Variants in ICA1L observed in about 807,000 individuals in gnomAD.
The protein encoded by ICA1L is islet cell autoantigen 1 like, also known as islet cell autoantigen 1-like protein.
A neutral mutation model predicts 61.3 loss-of-function variants in ICA1L; 50 were observed. That is an observed-to-expected ratio of 0.82 (90% confidence interval 0.65 to 1.03). The LOEUF (loss-of-function observed/expected upper bound fraction) is 1.03. Ranked by LOEUF, ICA1L falls within the 50% of genes least tolerant of loss-of-function variation. The pLI, the probability that ICA1L is intolerant of heterozygous loss-of-function variation, is 0.00. For missense variants in ICA1L, 508 were observed against 556.7 expected (o/e 0.91, Z 0.88); for synonymous variants, 161 against 191.3 (o/e 0.84, Z 1.31).
At chr2:202,839,886 T>C (rs1475149185) in intron 1 of ICA1L, among the ~76,000 whole-genome samples, 2 of 152,046 alleles carry the variant, frequency 1.3e-5, no homozygotes, top group Admixed American at 6.6e-5. Flanking sequence ...GTGTTTACCA[T>C]GAGGCTTACA....
intron 1 of ICA1L, chr2:202,871,226 T>C (rs578190293): frequency 3.9e-5 from 6 of 152,178 alleles, no homozygotes; most frequent in African/African-American, 1.2e-4. Context: ...GCCGCCTCTA[T>C]TAGGAGCGAC....
chr2:202,789,035 T>A lies in ICA1L; in HGVS notation c.1038A>T (p.Glu346Asp). The A allele has an allele frequency of 6.2e-7, 1 of 1,612,024 alleles. No individual in the cohort carries two copies. The highest frequency in any genetic ancestry group is 8.5e-7 in the Non-Finnish European group (1 of 1,178,340). ...DSLEGEDFEK[E>D]FSFLNNLLSS... ...TTAGGAGGTTGTTCAGAAATGAGAA[T>A]TCCTTCTCAAAATCTTCTCCTTCCA... The change falls in exon 11 of 13, where the codon GAA becomes GAT. Residue 346 changes from glutamate (E) to aspartate (D), a missense_variant. Transcript: ENST00000358299.
chr2:202,789,411 G>C (rs575528732), intron 10 of ICA1L, among the ~76,000 whole-genome samples: 1 of 152,024 alleles, frequency 6.6e-6, no homozygotes, highest in African/African-American at 2.4e-5. Context: ...ATACCACTCT[G>C]ACTAAAAAAC....
Position 202,776,840 on chromosome 2 carries a change from G to C in ICA1L, c.*2693C>G, listed in dbSNP as rs1263183821. ...AAAGTCCCTTGTATGTCTCCATTTC[G>C]GGAGAACTTTTGCTTTTGGAAAATT... On this transcript the variant is annotated 3_prime_UTR_variant, in exon 13 of 13. Transcript: ENST00000358299. The C allele has an allele frequency of 6.6e-6, 1 of 151,970 alleles. No individual in the cohort carries two copies. The highest frequency in any genetic ancestry group is 1.5e-5 in the Non-Finnish European group (1 of 68,016). 9.4% of individuals were successfully genotyped at this position (151,970 alleles called of 1,614,324 possible). A position where few individuals can be genotyped will look rare whatever the true frequency, so the allele number is the denominator to read the frequency against.
chr2:202,821,775 T>C (rs1192887243), intron 3 of ICA1L: 1 of 179,784 alleles, frequency 5.6e-6, no homozygotes. Context: ...CTCAAAACTA[T>C]AAAATAAAGC....
intron 1 of ICA1L, among the ~76,000 whole-genome samples, chr2:202,852,385 T>C (rs13398418): frequency 6.6e-6 from 1 of 151,816 alleles, no homozygotes; most frequent in Non-Finnish European, 1.5e-5. Flanking sequence ...AGTGCTCCCA[T>C]TTCAGCCGGG....
chr2:202,773,520 T>C lies in ICA1L; in HGVS notation c.*6013A>G, dbSNP rs1487571678. The stretch of plus-strand genomic sequence containing the variant: ...AATGTTTCTTCTGATAAAGCAGTTA[T>C]GTCAGAGCCTTCAAAAAACACGGGC... On this transcript the variant is annotated 3_prime_UTR_variant, in exon 13 of 13. Coordinates refer to ENST00000358299, the MANE Select transcript of ICA1L (RefSeq NM_001288622.3). 2.0e-5 allele frequency: 7 copies of C among 345,850 alleles called. No homozygotes were observed. The highest frequency in any genetic ancestry group is 7.9e-4 in the Middle Eastern group (1 of 1,272). The allele number at this position is 345,850 out of a possible 1,614,324, so 21.4% of individuals were successfully genotyped here.
intron 1 of ICA1L, among the ~76,000 whole-genome samples, chr2:202,859,074 G>A (rs1694839198): frequency 6.6e-6 from 1 of 152,164 alleles, no homozygotes; most frequent in Non-Finnish European, 1.5e-5. Context: ...AAGTATATTA[G>A]ATTATAGGCT....
intron 1 of ICA1L, among the ~76,000 whole-genome samples, chr2:202,829,612 A>G (rs2105860757): frequency 6.6e-6 from 1 of 152,240 alleles, no homozygotes; most frequent in East Asian, 1.9e-4. Flanking sequence ...GGCCCCTAAT[A>G]TTAATGTTCT....
intron 1 of ICA1L, among the ~76,000 whole-genome samples, chr2:202,856,515 G>A (rs768944193): frequency 1.2e-4 from 19 of 152,082 alleles, no homozygotes; most frequent in African/African-American, 4.3e-4. Context: ...CAAACCCATA[G>A]CCAATATCAT....
At chr2:202,788,685 A>T (rs749138557) in intron 11 of ICA1L, 145 bp downstream of exon 11, 36 of 795,600 alleles carry the variant, frequency 4.5e-5, no homozygotes, top group Non-Finnish European at 7.4e-5. Flanking sequence ...ATATTTTTCC[A>T]GTTGATTGGT....
chr2:202,824,793 C>G (rs1693792517), intron 3 of ICA1L, among the ~76,000 whole-genome samples: 1 of 152,126 alleles, frequency 6.6e-6, no homozygotes, highest in African/African-American at 2.4e-5. Context: ...GAGTTTTAAC[C>G]TGAACAAGTC....
At position 202,785,938 on chromosome 2, in the gene ICA1L, C is replaced by G. The variant is rs753991027; in HGVS notation, c.1313G>C (p.Ser438Thr). 1 of 1,594,728 alleles carries G rather than the reference C, an allele frequency of 6.3e-7. No individual in the cohort carries two copies. Among genetic ancestry groups the G allele is most frequent in the Non-Finnish European group, 8.6e-7 (1 of 1,164,660 alleles). Residue 438 changes from serine to threonine, a missense_variant, in exon 12 of 13, where the codon AGT becomes ACT. Coordinates refer to ENST00000358299, the MANE Select transcript of ICA1L (RefSeq NM_001288622.3). ...CTTACATCTTGTTAATTTCTTTGGA[C>G]TCTGTGAAGGCACTGGCTGGTTATC... Reference protein sequence around the residue: ...HTDNQPVPSQSPKKLTRSPNN... With the variant: ...HTDNQPVPSQTPKKLTRSPNN...
intron 1 of ICA1L, among the ~76,000 whole-genome samples, chr2:202,865,903 A>G (rs1687497991): frequency 1.3e-5 from 2 of 152,214 alleles, no homozygotes; most frequent in Admixed American, 6.5e-5. Context: ...CTAGGATTAT[A>G]GGTGTGAGCC....
chr2:202,826,567 G>T (rs1693848207), intron 2 of ICA1L, among the ~76,000 whole-genome samples: 1 of 152,126 alleles, frequency 6.6e-6, no homozygotes, highest in Non-Finnish European at 1.5e-5. Flanking sequence ...TACCGCCTGG[G>T]TTCAAGCGAT....
chr2:202,828,732 A>C (rs371813100), intron 2 of ICA1L, 116 bp downstream of exon 2: 34 of 806,388 alleles, frequency 4.2e-5, no homozygotes, highest in Non-Finnish European at 6.5e-5. Flanking sequence ...TAAACATTCT[A>C]TTATCAAATT....
At chr2:202,819,491 A>T (rs899807542) in intron 5 of ICA1L, 1 of 526,944 alleles carries the variant, frequency 1.9e-6, no homozygotes, top group Non-Finnish European at 3.4e-6. Context: ...AAAAATTAAT[A>T]AAAAAGGTAG....
intron 5 of ICA1L, among the ~76,000 whole-genome samples, chr2:202,818,920 T>G (rs1693620331): frequency 6.6e-6 from 1 of 152,272 alleles, no homozygotes; most frequent in African/African-American, 2.4e-5. Flanking sequence ...TTTTAAAGTG[T>G]TCAATTAAGT....
chr2:202,870,090 A>G (rs1216558465), intron 1 of ICA1L, among the ~76,000 whole-genome samples: 3 of 152,192 alleles, frequency 2.0e-5, no homozygotes, highest in East Asian at 1.9e-4. Context: ...TGAAAAAGCT[A>G]AAGTATAAAA....
Sources: gnomAD v4.1 joint callset for allele counts (sites outside exome capture counted in the v4.1 genomes callset) on GRCh38, gnomAD v4.1.1 for gene constraint, MANE v1.5 for transcripts, NCBI Gene and HGNC (gene_info 2026-07-23, HGNC 2026-07-21) for gene names.